NTAQ1: variants seen among roughly 807,000 people sequenced by gnomAD.
The protein encoded by NTAQ1 is protein N-terminal glutamine amidohydrolase.
NTAQ1 carries 21 observed loss-of-function variants against 28.2 expected under a neutral mutation model. That is an observed-to-expected ratio of 0.74 (90% confidence interval 0.53 to 1.07). The LOEUF is 1.07. Ranked by LOEUF, NTAQ1 falls within the 50% of genes least tolerant of loss-of-function variation. The pLI, the probability that NTAQ1 is intolerant of heterozygous loss-of-function variation, is 0.00. For synonymous variants in NTAQ1, 105 were observed against 90.0 expected (o/e 1.17, Z -0.94); for missense variants, 264 against 256.6 (o/e 1.03, Z -0.20).
In NTAQ1 at chr8:123,441,327, AT is replaced by A; in HGVS notation, c.533del (p.Phe178SerfsTer8). 1.2e-6 allele frequency: 2 copies of A among 1,610,064 alleles called. No individual in the cohort carries two copies. Among genetic ancestry groups the A allele is most frequent in the Non-Finnish European group, 1.7e-6 (2 of 1,177,908 alleles). ...TTAGATTCCAAAATGAACCTGAACG[AT>A]TTCATCAGTATGGATCCCAAGGTAG... ...ETGDSKMNLN[D>X]FISMDPKVGW... On this transcript the variant is annotated frameshift_variant, in exon 6 of 6. Coordinates refer to ENST00000287387, the MANE Select transcript of NTAQ1 (RefSeq NM_018024.3). LOFTEE classifies it high-confidence loss of function.
intron 1 of NTAQ1, among the ~76,000 whole-genome samples, chr8:123,423,570 C>T (rs1338870543): frequency 6.6e-6 from 1 of 152,048 alleles, no homozygotes; most frequent in African/African-American, 2.4e-5. Context: ...CTGCACCCCA[C>T]CTACAGGTAT....
exon 7 of NTAQ1, among the ~76,000 whole-genome samples, chr8:123,469,718 T>G (rs1319957668): frequency 6.6e-6 from 1 of 152,222 alleles, no homozygotes; most frequent in East Asian, 1.9e-4. Flanking sequence ...AGCAGTTGTT[T>G]TACTAATTCA....
At chr8:123,459,342 C>T (rs1017580113) in intron 6 of NTAQ1, among the ~76,000 whole-genome samples, 16 of 152,074 alleles carry the variant, frequency 1.1e-4, no homozygotes, top group Admixed American at 7.2e-4. Context: ...AGTTGGGGTG[C>T]ACCACCCTCC....
In NTAQ1 at chr8:123,433,241, G is replaced by T. The variant is rs111624978; in HGVS notation, c.234+3208G>T. On this transcript the variant is annotated intron_variant, in intron 3 of 5. Coordinates refer to ENST00000287387, the MANE Select transcript of NTAQ1 (RefSeq NM_018024.3). The stretch of plus-strand genomic sequence containing the variant: ...CCTTTTCCTTTGCAGTCCCTCAGCT[G>T]CCTAGTGTATAGGAATGTGGACCTG... Among the ~76,000 whole-genome samples the T allele has an allele frequency of 3.3e-3, 507 of 152,280 alleles. 3 individuals carry two copies. Among genetic ancestry groups the T allele is most frequent in the African/African-American group, 0.012 (485 of 41,572 alleles).
chr8:123,450,589 T>C (rs112876652), downstream of NTAQ1, among the ~76,000 whole-genome samples: 507 of 152,320 alleles, frequency 3.3e-3, 3 homozygotes, highest in African/African-American at 0.012. Context: ...CCACTGTCTC[T>C]GAAGCAGGGC....
chr8:123,460,107 C>T (rs1047757646), intron 6 of NTAQ1, among the ~76,000 whole-genome samples: 8 of 151,902 alleles, frequency 5.3e-5, no homozygotes, highest in Non-Finnish European at 8.8e-5. Context: ...GCCCAATGTA[C>T]GTGATTTTTA....
intron 3 of NTAQ1, among the ~76,000 whole-genome samples, chr8:123,434,495 C>T (rs1339187088): frequency 6.6e-6 from 1 of 151,908 alleles, no homozygotes; most frequent in Non-Finnish European, 1.5e-5. Context: ...GGTGTGGTGG[C>T]GCGCCTGTAA....
At chr8:123,449,442 G>A (rs1048648155), downstream of NTAQ1, among the ~76,000 whole-genome samples, 1 of 152,146 alleles carries the variant, frequency 6.6e-6, no homozygotes, top group African/African-American at 2.4e-5. Context: ...AGGGCTGCGT[G>A]TGGTGGCTCA....
At chr8:123,422,881 A>T (rs1324185477) in intron 1 of NTAQ1, among the ~76,000 whole-genome samples, 1 of 152,188 alleles carries the variant, frequency 6.6e-6, no homozygotes, top group Non-Finnish European at 1.5e-5. Context: ...CTATCCCAGC[A>T]TCATTTATTA....
intron 1 of NTAQ1, among the ~76,000 whole-genome samples, chr8:123,420,666 C>G (rs948827186): frequency 1.4e-5 from 2 of 142,422 alleles, no homozygotes; most frequent in African/African-American, 5.1e-5. Flanking sequence ...GATCATGACT[C>G]ACTGCAACCT....
At chr8:123,461,811 A>G (rs898248627) in intron 6 of NTAQ1, among the ~76,000 whole-genome samples, 2 of 152,158 alleles carry the variant, frequency 1.3e-5, no homozygotes, top group Admixed American at 6.5e-5. Context: ...AGATGGGAGC[A>G]TGAAATTGGG....
chr8:123,469,206 CAA>C (rs1316594435), exon 7 of NTAQ1, among the ~76,000 whole-genome samples: 4 of 152,148 alleles, frequency 2.6e-5, no homozygotes, highest in African/African-American at 9.7e-5. Context: ...TTTTGGTGCA[CAA>C]AAGTTTTTAA....
chr8:123,431,337 CAAAAAAA>C (rs35552563), intron 3 of NTAQ1, among the ~76,000 whole-genome samples: 7 of 124,230 alleles, frequency 5.6e-5, no homozygotes, highest in Admixed American at 1.7e-4. Flanking sequence ...AACTCCATAT[CAAAAAAA>C]AAAAAAAAAA....
At chr8:123,418,333 C>T (rs951786750) in intron 1 of NTAQ1, among the ~76,000 whole-genome samples, 23 of 151,958 alleles carry the variant, frequency 1.5e-4, no homozygotes, top group Admixed American at 2.6e-4. Context: ...CACCTGTAAT[C>T]CCAGCTACTC....
At chr8:123,428,712 T>C (rs1312489415) in intron 2 of NTAQ1, among the ~76,000 whole-genome samples, 1 of 152,028 alleles carries the variant, frequency 6.6e-6, no homozygotes, top group African/African-American at 2.4e-5. Flanking sequence ...GTGATTTTTG[T>C]GTCTCAGGCT....
intron 6 of NTAQ1, among the ~76,000 whole-genome samples, chr8:123,465,297 T>C (rs1586973246): frequency 1.3e-5 from 2 of 152,270 alleles, no homozygotes; most frequent in South Asian, 4.1e-4. Context: ...GACATGCTCT[T>C]GTGTGTGCAT....
intron 1 of NTAQ1, among the ~76,000 whole-genome samples, chr8:123,422,282 G>GGTT (rs1771221846): frequency 6.9e-6 from 1 of 145,410 alleles, no homozygotes; most frequent in South Asian, 2.1e-4. Context: ...TTTGTTTTGG[G>GGTT]TTTTTTTTTT....
chr8:123,457,268 T>G (rs1241064566), intron 6 of NTAQ1, among the ~76,000 whole-genome samples: 1 of 152,086 alleles, frequency 6.6e-6, no homozygotes, highest in Non-Finnish European at 1.5e-5. Context: ...GGTTTCCCCA[T>G]GTTGACGAGG....
downstream of NTAQ1, among the ~76,000 whole-genome samples, chr8:123,472,767 T>C (rs1816053315): frequency 6.6e-6 from 1 of 152,226 alleles, no homozygotes; most frequent in Admixed American, 6.5e-5. Context: ...AGGGAGATGC[T>C]ATTCAACCCC....
Sources: gnomAD v4.1 joint callset for allele counts (sites outside exome capture counted in the v4.1 genomes callset) on GRCh38, gnomAD v4.1.1 for gene constraint, MANE v1.5 for transcripts, NCBI Gene and HGNC (gene_info 2026-07-23, HGNC 2026-07-21) for gene names.